Variants in RAB39A observed in about 807,000 individuals in gnomAD.
RAB39A encodes the protein RAB39A, member RAS oncogene family, also known as ras-related protein Rab-39A.
A neutral mutation model predicts 20.9 loss-of-function variants in RAB39A; 17 were observed. That is an observed-to-expected ratio of 0.81 (90% CI 0.56 to 1.22). The LOEUF (loss-of-function observed/expected upper bound fraction) is 1.22. Ranked by LOEUF, RAB39A falls within the 50% of genes most tolerant of loss-of-function variation. The probability of loss-of-function intolerance (pLI) is 0.00; values close to 1 mark genes in which losing one functional copy is unlikely to be tolerated. For missense variants in RAB39A, 234 were observed against 270.5 expected (o/e 0.87, Z 0.95); for synonymous variants, 99 against 103.4 (o/e 0.96, Z 0.26).
chr11:107,931,974 C>T (rs894524169), intron 1 of RAB39A, among the ~76,000 whole-genome samples: 4 of 151,612 alleles, frequency 2.6e-5, no homozygotes, highest in African/African-American at 9.7e-5. Flanking sequence ...ATTCTCCTGC[C>T]TCAGCCTCCC....
At chr11:107,947,981 T>TAC (rs58579239) in intron 1 of RAB39A, among the ~76,000 whole-genome samples, 65,673 of 148,400 alleles carry the variant, frequency 0.44, 14,435 homozygotes, top group Admixed American at 0.53. Context: ...TACACACACG[T>TAC]ACACACACAC....
At chr11:107,959,864 C>A (rs1445096654) in intron 1 of RAB39A, among the ~76,000 whole-genome samples, 1 of 152,200 alleles carries the variant, frequency 6.6e-6, no homozygotes, top group African/African-American at 2.4e-5. Flanking sequence ...GAAACTGAGA[C>A]TCATGGGATC....
At chr11:107,957,203 C>T (rs985866139) in intron 1 of RAB39A, among the ~76,000 whole-genome samples, 1 of 152,128 alleles carries the variant, frequency 6.6e-6, no homozygotes, top group Non-Finnish European at 1.5e-5. Flanking sequence ...AATCAGTAAG[C>T]AGAATGACAG....
chr11:107,962,251 T>G lies in RAB39A; in HGVS notation c.533T>G (p.Leu178Arg). The G allele has an allele frequency of 3.7e-6, 6 of 1,613,894 alleles. No homozygotes were observed. The highest frequency in any genetic ancestry group is 5.1e-6 in the Non-Finnish European group (6 of 1,179,956). The change falls in exon 2 of 2, where the codon CTT becomes CGT. Residue 178 changes from leucine (L) to arginine (R), a missense_variant. Physicochemically the swap from Leu to Arg is moderately radical, Grantham distance 102. Coordinates refer to ENST00000320578, the MANE Select transcript of RAB39A (RefSeq NM_017516.3). ...ATCTTGACGAGAGACATATATGAAC[T>G]TATTAAAAAGGGAGAAATTTGTATT... ...FTILTRDIYE[L>R]IKKGEICIQD... is the part of the protein sequence containing the mutation.
intron 1 of RAB39A, among the ~76,000 whole-genome samples, chr11:107,932,384 G>T (rs566145201): frequency 6.6e-6 from 1 of 152,160 alleles, no homozygotes; most frequent in Non-Finnish European, 1.5e-5. Context: ...TGGTGGAGTG[G>T]TTCTGCACCA....
At chr11:107,938,253 G>A (rs952813369) in intron 1 of RAB39A, among the ~76,000 whole-genome samples, 2 of 150,514 alleles carry the variant, frequency 1.3e-5, no homozygotes, top group African/African-American at 2.4e-5. Context: ...CCAGCTACTC[G>A]AGAGGCGGAG....
intron 1 of RAB39A, among the ~76,000 whole-genome samples, chr11:107,945,116 G>A (rs4633427): frequency 0.32 from 48,847 of 151,304 alleles, 8,646 homozygotes; most frequent in East Asian, 0.5. Context: ...CCCAGGGGGC[G>A]GAGGTTGCAG....
At chr11:107,929,412 C>G (rs1861115011) in intron 1 of RAB39A, among the ~76,000 whole-genome samples, 1 of 152,120 alleles carries the variant, frequency 6.6e-6, no homozygotes, top group African/African-American at 2.4e-5. Context: ...ATCAGAAATA[C>G]TGGGTCATGA....
At chr11:107,960,167 G>T (rs1490173303) in intron 1 of RAB39A, among the ~76,000 whole-genome samples, 4 of 147,876 alleles carry the variant, frequency 2.7e-5, no homozygotes, top group African/African-American at 1.0e-4. Flanking sequence ...CCAAGATCAC[G>T]CCACTGCACT....
At chr11:107,939,180 G>T (rs1046222080) in intron 1 of RAB39A, among the ~76,000 whole-genome samples, 4 of 147,602 alleles carry the variant, frequency 2.7e-5, no homozygotes, top group Non-Finnish European at 5.9e-5. Context: ...GGAGGTGGAG[G>T]TTGCAGTGAG....
At chr11:107,933,415 C>G (rs1349443334) in intron 1 of RAB39A, among the ~76,000 whole-genome samples, 3 of 113,974 alleles carry the variant, frequency 2.6e-5, no homozygotes, top group Non-Finnish European at 5.0e-5. Context: ...GAGTCTCACT[C>G]TGTCACCTGG....
At chr11:107,950,712 G>A (rs985722727) in intron 1 of RAB39A, among the ~76,000 whole-genome samples, 6 of 148,518 alleles carry the variant, frequency 4.0e-5, no homozygotes, top group Non-Finnish European at 7.4e-5. Flanking sequence ...GTTGCAGTGA[G>A]CCAAGATCAT....
chr11:107,946,633 C>T (rs1183678748), intron 1 of RAB39A, among the ~76,000 whole-genome samples: 9 of 149,988 alleles, frequency 6.0e-5, no homozygotes, highest in African/African-American at 9.8e-5. Context: ...CCACCACGCC[C>T]AGCTAATTTT....
chr11:107,931,487 C>T (rs1274995791), intron 1 of RAB39A, among the ~76,000 whole-genome samples: 2 of 152,212 alleles, frequency 1.3e-5, no homozygotes, highest in Non-Finnish European at 2.9e-5. Context: ...CCTCCAAATA[C>T]TTGCTTTTCT....
chr11:107,934,436 A>G (rs1861171797), intron 1 of RAB39A, among the ~76,000 whole-genome samples: 1 of 152,072 alleles, frequency 6.6e-6, no homozygotes, highest in South Asian at 2.1e-4. Flanking sequence ...CCTGTCTCTA[A>G]AAAGAGGAAA....
chr11:107,944,958 G>A (rs1046538391), intron 1 of RAB39A, among the ~76,000 whole-genome samples: 4 of 152,018 alleles, frequency 2.6e-5, no homozygotes, highest in Admixed American at 2.6e-4. Context: ...GCTGAGGTGG[G>A]TGGATCACAA....
intron 1 of RAB39A, among the ~76,000 whole-genome samples, chr11:107,954,804 A>G (rs578159624): frequency 2.0e-5 from 3 of 152,024 alleles, no homozygotes; most frequent in African/African-American, 2.4e-5. Flanking sequence ...CTTCCTATAT[A>G]TGTGACCTCT....
chr11:107,940,489 C>T lies in RAB39A; in HGVS notation c.227+11694C>T, dbSNP rs1861248020. Among the ~76,000 whole-genome samples the T allele has an allele frequency of 3.3e-5, 5 of 151,884 alleles. No individual in the cohort carries two copies. In the South Asian group the frequency reaches 1.0e-3, roughly 32 times the overall value. ...ATGTTGGCCCGGCTGGTCTTAAACT[C>T]CTGACCTCAAATCATCTGTCTGCCT... On this transcript the variant is annotated intron_variant, in intron 1 of 1. Transcript: ENST00000320578.
rs1284796918 is a variant in RAB39A, at chr11:107,928,744, G to T, written c.176G>T (p.Gly59Val). 2 of 1,607,684 alleles carry T rather than the reference G, an allele frequency of 1.2e-6. No homozygotes were observed. Among genetic ancestry groups the T allele is most frequent in the Admixed American group, 1.7e-5 (1 of 59,226 alleles). The stretch of plus-strand genomic sequence containing the variant: ...TCCCGCCTGCTGGAGATCGAGCCGG[G>T]CAAGAGGATCAAGCTACAGCTCTGG... ...FFSRLLEIEPGKRIKLQLWDT... is the reference protein window; with the variant it reads ...FFSRLLEIEPVKRIKLQLWDT... Residue 59 changes from glycine to valine, a missense_variant, in exon 1 of 2, where the codon GGC becomes GTC. By Grantham distance (109) the Gly-to-Val change is moderately radical. Transcript: ENST00000320578. The surrounding 1 kb of genome is among the most constrained non-coding windows in gnomAD (Gnocchi z 4.9).
Sources: gnomAD v4.1 joint callset for allele counts (sites outside exome capture counted in the v4.1 genomes callset) on GRCh38, gnomAD v4.1.1 for gene constraint, Gnocchi (gnomAD v3.1) non-coding constraint, MANE v1.5 for transcripts, NCBI Gene and HGNC (gene_info 2026-07-23, HGNC 2026-07-21) for gene names.